Variants in PRPF39 observed in about 807,000 individuals in gnomAD.
The protein encoded by PRPF39 is pre-mRNA-processing factor 39.
A neutral mutation model predicts 82.1 loss-of-function variants in PRPF39; 27 were observed. The observed-to-expected ratio is 0.33, with a 90% CI of 0.24 to 0.45. The LOEUF is 0.45. Among genes scored for constraint, PRPF39 ranks in the 20% least tolerant of loss-of-function variants. The pLI, the probability that PRPF39 is intolerant of heterozygous loss-of-function variation, is 1.00. For missense variants in PRPF39, 581 were observed against 796.9 expected (o/e 0.73, Z 3.26); for synonymous variants, 261 against 256.4 (o/e 1.02, Z -0.17).
At chr14:45,096,050 A>T (rs1052002290) in intron 2 of PRPF39, 53 bp from the exon 3 acceptor site, 4 of 1,436,216 alleles carry the variant, frequency 2.8e-6, no homozygotes, top group Admixed American at 4.5e-5. Context: ...AATAATAAAT[A>T]TTTTTTTGAC....
At chr14:45,107,020 A>C (rs1014674771) in intron 5 of PRPF39, among the ~76,000 whole-genome samples, 23 of 152,188 alleles carry the variant, frequency 1.5e-4, no homozygotes, top group Non-Finnish European at 2.9e-4. Flanking sequence ...TTAGAATTTA[A>C]ATATGGATTA....
At chr14:45,094,135 T>C (rs946670879) in intron 1 of PRPF39, among the ~76,000 whole-genome samples, 2 of 152,166 alleles carry the variant, frequency 1.3e-5, no homozygotes, top group African/African-American at 4.8e-5. Flanking sequence ...AGTAGTAGTA[T>C]ATTCTAAGTA....
intron 1 of PRPF39, among the ~76,000 whole-genome samples, chr14:45,093,593 T>C (rs996773665): frequency 3.3e-5 from 5 of 151,018 alleles, no homozygotes; most frequent in African/African-American, 1.2e-4. Context: ...TTCACTCTTG[T>C]TGCCCAGGCT....
Position 45,114,174 on chromosome 14 carries a change from T to C in PRPF39, c.1758-9T>C. 6.4e-7 allele frequency: 1 copy of C among 1,559,434 alleles called. No homozygotes were observed. The highest frequency in any genetic ancestry group is 8.7e-7 in the Non-Finnish European group (1 of 1,146,006). ...ATATTCCAGAGGATATTTTTTTCTT[T>C]CCTTTCAGGCTTCTGAATGCTTATG... is the stretch of plus-strand genomic sequence containing the variant. On this transcript the variant is annotated splice_polypyrimidine_tract_variant and intron_variant, in intron 11 of 13. Transcript: ENST00000355765.
chr14:45,098,609 T>C (rs1884275673), intron 4 of PRPF39, among the ~76,000 whole-genome samples: 1 of 152,170 alleles, frequency 6.6e-6, no homozygotes, highest in African/African-American at 2.4e-5. Context: ...TTTCATACTC[T>C]CCAGCAGCTT....
chr14:45,112,714 C>T (rs533394961), intron 11 of PRPF39, among the ~76,000 whole-genome samples: 1 of 152,288 alleles, frequency 6.6e-6, no homozygotes, highest in South Asian at 2.1e-4. Context: ...TCCTTCAAAA[C>T]TGTTTTCCCA....
chr14:45,087,089 TG>T (rs1410892119), intron 1 of PRPF39, among the ~76,000 whole-genome samples: 2 of 152,102 alleles, frequency 1.3e-5, no homozygotes, highest in Non-Finnish European at 2.9e-5. Flanking sequence ...GTAGTGTGAA[TG>T]GAAAGAAGGG....
At chr14:45,106,940 C>T (rs1884551568) in intron 5 of PRPF39, among the ~76,000 whole-genome samples, 1 of 151,952 alleles carries the variant, frequency 6.6e-6, no homozygotes, top group Non-Finnish European at 1.5e-5. Flanking sequence ...TGCGTACTCA[C>T]ATGTGGATGA....
rs878895764 is a variant in PRPF39 at position 45,112,329 on chromosome 14, G to A, written c.1584G>A (p.Lys528=). 1 of 1,559,330 alleles carries A rather than the reference G, an allele frequency of 6.4e-7. No homozygotes were observed. The highest frequency in any genetic ancestry group is 1.2e-5 in the South Asian group (1 of 80,110). ...TGCTTTTTACACAGGAGAACACAAA[G>A]TTATACCTCAATTTACTTGAAATGG... ...EAIERDKENT[K]LYLNLLEMEY... Residue 528 remains lysine (K), a synonymous_variant, in exon 11 of 14, where the codon AAG becomes AAA. Transcript: ENST00000355765.
chr14:45,111,133 A>G (rs1184090629), intron 10 of PRPF39, among the ~76,000 whole-genome samples: 1 of 152,270 alleles, frequency 6.6e-6, no homozygotes, highest in East Asian at 1.9e-4. Flanking sequence ...AATACTTCAT[A>G]AACAAAAGCA....
chr14:45,096,269 G>A, intron 3 of PRPF39, 41 bp downstream of exon 3: 1 of 1,481,208 alleles, frequency 6.8e-7, no homozygotes, highest in Non-Finnish European at 9.0e-7. Context: ...AATAGGTACT[G>A]TAAGCCAATT....
rs897467813 is a variant in PRPF39, at chr14:45,107,695, A to C, written c.903+79A>C. On this transcript the variant is annotated intron_variant, in intron 6 of 13. Coordinates refer to ENST00000355765, the MANE Select transcript of PRPF39 (RefSeq NM_017922.4). ...TGTAATCGCAGCACTTTGGGAGGCC[A>C]AGGTAGGCGGGTCACCTGAGGTCCG... 5.0e-6 allele frequency: 7 copies of C among 1,411,336 alleles called. No individual in the cohort carries two copies. In the African/African-American group the frequency reaches 1.0e-4, roughly 20 times the overall value. The allele number at this position is 1,411,336 out of a possible 1,614,324, so 87.4% of individuals were successfully genotyped here.
At chr14:45,093,839 G>A (rs903504931) in intron 1 of PRPF39, among the ~76,000 whole-genome samples, 1 of 152,202 alleles carries the variant, frequency 6.6e-6, no homozygotes, top group Non-Finnish European at 1.5e-5. Context: ...ACAGGCATGA[G>A]CCACCACGCC....
chr14:45,111,427 T>C (rs1884692085), intron 10 of PRPF39, among the ~76,000 whole-genome samples: 2 of 152,078 alleles, frequency 1.3e-5, no homozygotes, highest in South Asian at 4.1e-4. Flanking sequence ...CTCTGCCTCC[T>C]GGGTTCAAGT....
intron 4 of PRPF39, among the ~76,000 whole-genome samples, chr14:45,102,294 T>A (rs1392851753): frequency 6.6e-6 from 1 of 152,220 alleles, no homozygotes; most frequent in Admixed American, 6.5e-5. Flanking sequence ...TGTATTTAAT[T>A]TTCTATTTGA....
rs182110206 is a variant in PRPF39, at chr14:45,103,682, G to T, written c.737+986G>T. 4.6e-5 allele frequency among the ~76,000 whole-genome samples: 7 copies of T among 152,190 alleles called. No homozygotes were observed. In the East Asian group the frequency reaches 1.2e-3, roughly 25 times the overall value. On this transcript the variant is annotated intron_variant, in intron 5 of 13. Coordinates refer to ENST00000355765, the MANE Select transcript of PRPF39 (RefSeq NM_017922.4). ...TTGATGAAATAGAGGAAGCAGGCAG[G>T]TTTCTAAGGTATAACGACCTAGGAA... is the stretch of plus-strand genomic sequence containing the variant.
Position 45,110,842 on chromosome 14 carries a change from A to G in PRPF39, c.1572+25A>G, listed in dbSNP as rs764745759. The G allele has an allele frequency of 1.3e-6, 2 of 1,524,820 alleles. No individual in the cohort carries two copies. Among genetic ancestry groups the G allele is most frequent in the Admixed American group, 2.1e-5 (1 of 47,620 alleles). The allele number at this position is 1,524,820 out of a possible 1,614,324, so 94.5% of individuals were successfully genotyped here. A position where few individuals can be genotyped will look rare whatever the true frequency, so the allele number is the denominator to read the frequency against. On this transcript the variant is annotated intron_variant, in intron 10 of 13. Transcript: ENST00000355765. The surrounding 1 kb of genome is among the most constrained non-coding windows in gnomAD (Gnocchi z 4.0). ...AGTATGCATTTGTATTTTTAAGAGT[A>G]TCTTCTATTAAAAAAACCAGTGGTC...
chr14:45,102,834 CCTACATG>C (rs2139053993), intron 5 of PRPF39, 138 bp downstream of exon 5: 1 of 828,440 alleles, frequency 1.2e-6, no homozygotes, highest in East Asian at 2.9e-5. Flanking sequence ...CTAATCACAA[CCTACATG>C]CTTGCTTTTG....
intron 7 of PRPF39, 65 bp from the exon 8 acceptor site, chr14:45,109,551 C>T: frequency 7.4e-7 from 1 of 1,348,210 alleles, no homozygotes; most frequent in Non-Finnish European, 1.0e-6. Context: ...TGTATTAACA[C>T]TGTACATGTG....
Sources: gnomAD v4.1 joint callset for allele counts (sites outside exome capture counted in the v4.1 genomes callset) on GRCh38, gnomAD v4.1.1 for gene constraint, Gnocchi (gnomAD v3.1) non-coding constraint, MANE v1.5 for transcripts, NCBI Gene and HGNC (gene_info 2026-07-23, HGNC 2026-07-21) for gene names.